Variants in DPF3 observed in about 807,000 individuals in gnomAD.
DPF3 encodes the protein zinc finger protein DPF3.
Under a neutral mutation model 56.8 loss-of-function variants are expected in DPF3, and 18 were observed. That is an observed-to-expected ratio of 0.32 (90% confidence interval 0.22 to 0.47). The LOEUF (loss-of-function observed/expected upper bound fraction) is 0.47, where lower values mean the gene tolerates loss of function less well. Among genes scored for constraint, DPF3 ranks in the 20% least tolerant of loss-of-function variants. DPF3 has a pLI of 1.00. For synonymous variants in DPF3, 188 were observed against 180.2 expected, an observed-to-expected ratio of 1.04 and a Z score of -0.35; for missense variants, 403 against 488.8, an observed-to-expected ratio of 0.82 and a Z score of 1.65.
At chr14:72,794,985 C>G (rs767036444) in intron 1 of DPF3, among the ~76,000 whole-genome samples, 1 of 152,050 alleles carries the variant, frequency 6.6e-6, no homozygotes, top group Non-Finnish European at 1.5e-5. Context: ...TTGCAAGGAC[C>G]CTTGTGATTA....
At chr14:72,769,354 G>A (rs1036671693) in intron 2 of DPF3, among the ~76,000 whole-genome samples, 11 of 152,134 alleles carry the variant, frequency 7.2e-5, no homozygotes, top group African/African-American at 2.2e-4. Context: ...AGGATGGCAA[G>A]AAGGCCATCA....
At chr14:72,704,322 C>T (rs1172037034) in intron 6 of DPF3, among the ~76,000 whole-genome samples, 3 of 152,214 alleles carry the variant, frequency 2.0e-5, no homozygotes, top group Non-Finnish European at 4.4e-5. Flanking sequence ...TCATTGTCAA[C>T]ATTTCTGGGG....
chr14:72,784,326 C>A (rs546879751), intron 1 of DPF3, among the ~76,000 whole-genome samples: 1 of 152,124 alleles, frequency 6.6e-6, no homozygotes, highest in African/African-American at 2.4e-5. Flanking sequence ...ACACTGGGAA[C>A]CAAGATGACT....
chr14:72,636,921 C>T (rs1240483256), intron 8 of DPF3, among the ~76,000 whole-genome samples: 1 of 152,186 alleles, frequency 6.6e-6, no homozygotes, highest in Non-Finnish European at 1.5e-5. Flanking sequence ...TAAATGATAG[C>T]GTGAGCTGTG....
At chr14:72,717,240 C>T (rs762172842) in intron 5 of DPF3, among the ~76,000 whole-genome samples, 3 of 152,190 alleles carry the variant, frequency 2.0e-5, no homozygotes, top group Non-Finnish European at 4.4e-5. Context: ...AAAGAGCATC[C>T]GCTTAAAGTC....
intron 6 of DPF3, among the ~76,000 whole-genome samples, chr14:72,698,452 G>A (rs1189045115): frequency 6.6e-6 from 1 of 152,348 alleles, no homozygotes; most frequent in South Asian, 2.1e-4. Flanking sequence ...GCCAAGGTGG[G>A]AGGATCCCTT....
At chr14:72,714,124 C>T (rs1046484681) in intron 6 of DPF3, among the ~76,000 whole-genome samples, 20 of 152,136 alleles carry the variant, frequency 1.3e-4, no homozygotes, top group South Asian at 2.1e-4. Context: ...AGACAGAGCG[C>T]GTGAGAGAGA....
intron 8 of DPF3, among the ~76,000 whole-genome samples, chr14:72,673,425 C>T (rs1213410093): frequency 2.0e-5 from 3 of 152,178 alleles, no homozygotes; most frequent in Non-Finnish European, 4.4e-5. Context: ...ACACTGTGGT[C>T]TAGTGCTGAC....
intron 1 of DPF3, among the ~76,000 whole-genome samples, chr14:72,784,022 C>T (rs558893172): frequency 6.6e-6 from 1 of 152,254 alleles, no homozygotes; most frequent in South Asian, 2.1e-4. Flanking sequence ...GGGGCCTCTG[C>T]CCTCCTGTCA....
At chr14:72,622,223 A>G (rs985469475) in intron 9 of DPF3, among the ~76,000 whole-genome samples, 2 of 152,206 alleles carry the variant, frequency 1.3e-5, no homozygotes, top group Non-Finnish European at 2.9e-5. Context: ...CAAGGACCCA[A>G]AAGAGTTTAC....
intron 1 of DPF3, chr14:72,773,680 G>C: frequency 5.2e-6 from 2 of 383,310 alleles, no homozygotes; most frequent in South Asian, 4.0e-5. Context: ...CTATGATTCT[G>C]ACTACTCCAA....
chr14:72,858,703 T>C (rs1003138307), intron 1 of DPF3, among the ~76,000 whole-genome samples: 9 of 152,216 alleles, frequency 5.9e-5, no homozygotes, highest in African/African-American at 2.2e-4. Context: ...AGGTCTAAAA[T>C]ACTACTCAGA....
At chr14:72,736,124 G>A (rs1889884796) in intron 3 of DPF3, among the ~76,000 whole-genome samples, 1 of 152,212 alleles carries the variant, frequency 6.6e-6, no homozygotes, top group South Asian at 2.1e-4. Flanking sequence ...GTAGTCACAT[G>A]TAGAAAAAGG....
chr14:72,792,082 GC>G (rs1018021971), intron 1 of DPF3, among the ~76,000 whole-genome samples: 1 of 151,640 alleles, frequency 6.6e-6, no homozygotes, highest in Non-Finnish European at 1.5e-5. Context: ...GCTGGAACAT[GC>G]CCCCCACCCC....
intron 8 of DPF3, among the ~76,000 whole-genome samples, chr14:72,640,051 A>T (rs1240971656): frequency 3.9e-5 from 1 of 25,900 alleles, no homozygotes; most frequent in African/African-American, 1.2e-4. Flanking sequence ...CTAAGTAAAA[A>T]AAAAAAAAAA....
rs1884150901 is a variant in DPF3 at position 72,617,415 on chromosome 14, G to A, written c.*1882C>T. On this transcript the variant is annotated 3_prime_UTR_variant, in exon 11 of 11. Transcript: ENST00000556509. ...GGAGAAAAAATGTGCCCCTCTGATG[G>A]AATGTCACCCTCCCTATCCCTCCCT... is the stretch of plus-strand genomic sequence containing the variant. 6.6e-6 allele frequency among the ~76,000 whole-genome samples: 1 copy of A among 152,146 alleles called. No individual in the cohort carries two copies. The highest frequency in any genetic ancestry group is 2.4e-5 in the African/African-American group (1 of 41,440).
chr14:72,801,658 A>G (rs992924405), intron 1 of DPF3, among the ~76,000 whole-genome samples: 1 of 152,190 alleles, frequency 6.6e-6, no homozygotes, highest in African/African-American at 2.4e-5. Context: ...CACTGTAGCC[A>G]GGTGGGTTCA....
rs139039362 is a variant in DPF3, at chr14:72,687,333, T to G, written c.742+5743A>C. ...CTCATATTTTTTTAAATTTCCCTCT[T>G]AGGAGCTCTGAGTATGCTATAGAGA... is the stretch of plus-strand genomic sequence containing the variant. On this transcript the variant is annotated intron_variant, in intron 7 of 10. Coordinates refer to ENST00000556509, the MANE Select transcript of DPF3 (RefSeq NM_001280542.3). Among the ~76,000 whole-genome samples, 61 of 152,332 alleles carry G rather than the reference T, an allele frequency of 4.0e-4. No homozygotes were observed. In the East Asian group the frequency reaches 0.01, roughly 26 times the overall value.
chr14:72,712,258 C>T (rs1555499182), intron 6 of DPF3, among the ~76,000 whole-genome samples: 1 of 152,088 alleles, frequency 6.6e-6, no homozygotes, highest in Non-Finnish European at 1.5e-5. Flanking sequence ...CTGAGAGTCC[C>T]GAAACAAAGC....
Sources: gnomAD v4.1 joint callset for allele counts (sites outside exome capture counted in the v4.1 genomes callset) on GRCh38, gnomAD v4.1.1 for gene constraint, MANE v1.5 for transcripts, NCBI Gene and HGNC (gene_info 2026-07-23, HGNC 2026-07-21) for gene names.